SNX29: variants seen among roughly 807,000 people sequenced by gnomAD.
SNX29 encodes the protein sorting nexin-29.
SNX29 carries 78 observed loss-of-function variants against 102.1 expected under a neutral mutation model. The ratio of observed to expected loss-of-function variants is 0.76; its 90% CI spans 0.64 to 0.92. The LOEUF (loss-of-function observed/expected upper bound fraction) is 0.92. SNX29 is among the 40% of genes least tolerant of loss of function. The pLI, the probability that SNX29 is intolerant of heterozygous loss-of-function variation, is 0.00. For missense variants in SNX29, 1,280 were observed against 1,061.7 expected, an observed-to-expected ratio of 1.21 and a Z score of -2.86; for synonymous variants, 580 against 414.5, an observed-to-expected ratio of 1.40 and a Z score of -4.85.
At chr16:12,279,947 T>C (rs987908279) in intron 15 of SNX29, among the ~76,000 whole-genome samples, 14 of 152,300 alleles carry the variant, frequency 9.2e-5, no homozygotes, top group African/African-American at 3.4e-4. Context: ...GGGTGCCTAC[T>C]TCGCAGGGTC....
chr16:12,141,563 C>T lies in SNX29; in HGVS notation c.1595+11805C>T, dbSNP rs550422115. On this transcript the variant is annotated intron_variant, in intron 13 of 20. Coordinates refer to ENST00000566228, the MANE Select transcript of SNX29 (RefSeq NM_032167.5). ...GGTTATTTCTTGATTATATGCTAAA[C>T]AAAAGGCAGATTATTCATGAGTTTT... Among the ~76,000 whole-genome samples the T allele has an allele frequency of 1.4e-4, 22 of 152,348 alleles. No homozygotes were observed. The South Asian group carries it at 4.3e-3, about 30-fold the overall frequency.
chr16:12,511,707 C>T (rs185223330), intron 19 of SNX29, among the ~76,000 whole-genome samples: 7 of 152,132 alleles, frequency 4.6e-5, no homozygotes, highest in Admixed American at 3.3e-4. Flanking sequence ...GTGTAGTCTC[C>T]GAGCTCTTTC....
chr16:12,063,236 C>T (rs970643174), intron 9 of SNX29, among the ~76,000 whole-genome samples: 1 of 152,038 alleles, frequency 6.6e-6, no homozygotes, highest in Non-Finnish European at 1.5e-5. Context: ...ACATCTTGTC[C>T]ATGGCCCAGG....
intron 3 of SNX29, among the ~76,000 whole-genome samples, chr16:12,018,547 C>T (rs1159539526): frequency 2.0e-5 from 3 of 150,448 alleles, no homozygotes; most frequent in Non-Finnish European, 4.4e-5. Context: ...CGTGTCACTG[C>T]ACTTCAGCCT....
intron 19 of SNX29, among the ~76,000 whole-genome samples, chr16:12,521,972 C>A (rs997004400): frequency 1.2e-4 from 19 of 152,136 alleles, no homozygotes; most frequent in African/African-American, 4.1e-4. Context: ...GAGCTGCCAC[C>A]CCTCTGGAGG....
chr16:12,330,521 G>A (rs1211852675), intron 15 of SNX29, among the ~76,000 whole-genome samples: 1 of 152,222 alleles, frequency 6.6e-6, no homozygotes, highest in East Asian at 1.9e-4. Flanking sequence ...ACTGCGAACT[G>A]TTTAATCCTC....
chr16:12,391,140 C>T (rs2083514726), intron 16 of SNX29, among the ~76,000 whole-genome samples: 1 of 152,046 alleles, frequency 6.6e-6, no homozygotes, highest in South Asian at 2.1e-4. Context: ...GAGATGGGGT[C>T]TCCCTGTGTT....
At chr16:12,481,958 A>G (rs541844756) in intron 19 of SNX29, among the ~76,000 whole-genome samples, 2 of 152,148 alleles carry the variant, frequency 1.3e-5, no homozygotes, top group African/African-American at 4.8e-5. Flanking sequence ...GATTCTTCCC[A>G]TTTCCAAAGG....
At chr16:12,230,124 A>C (rs937572021) in intron 14 of SNX29, among the ~76,000 whole-genome samples, 5 of 152,214 alleles carry the variant, frequency 3.3e-5, no homozygotes, top group Non-Finnish European at 5.9e-5. Context: ...TAGTTTGTAC[A>C]CGTCTGTTCT....
intron 18 of SNX29, among the ~76,000 whole-genome samples, chr16:12,452,333 T>G (rs1171557277): frequency 1.5e-4 from 3 of 20,596 alleles, no homozygotes; most frequent in Admixed American, 1.0e-3. Context: ...AGGGATGCAG[T>G]GGAATGTCTC....
chr16:12,544,208 G>T (rs914435788), intron 20 of SNX29, among the ~76,000 whole-genome samples: 64 of 152,198 alleles, frequency 4.2e-4, no homozygotes, highest in African/African-American at 1.5e-3. Flanking sequence ...CTTCAGAACC[G>T]TGACAGCCGG....
chr16:12,286,191 G>T (rs2079590812), intron 15 of SNX29, among the ~76,000 whole-genome samples: 1 of 151,562 alleles, frequency 6.6e-6, no homozygotes, highest in African/African-American at 2.4e-5. Flanking sequence ...TTGAGACCAG[G>T]CTCTTACCTC....
chr16:12,245,881 G>T (rs770827528), intron 14 of SNX29, among the ~76,000 whole-genome samples: 14 of 152,192 alleles, frequency 9.2e-5, no homozygotes, highest in Non-Finnish European at 1.8e-4. Context: ...GGGGCTGCAG[G>T]TTACGTGTTT....
chr16:12,570,657 T>C lies in SNX29; in HGVS notation c.*2028T>C, dbSNP rs1295647149. On this transcript the variant is annotated 3_prime_UTR_variant, in exon 21 of 21. Coordinates refer to ENST00000566228, the MANE Select transcript of SNX29 (RefSeq NM_032167.5). Reference sequence around the variant, plus strand: ...ACCTCCCCCATCTGTGACATTCCCTTGGGCCCAGGCTTATGACCTGCACCT... The same window carrying C: ...ACCTCCCCCATCTGTGACATTCCCTCGGGCCCAGGCTTATGACCTGCACCT... The C allele has an allele frequency of 4.3e-6, 1 of 232,012 alleles. No individual in the cohort carries two copies. The allele number at this position is 232,012 out of a possible 1,614,324, so 14.4% of individuals were successfully genotyped here.
intron 16 of SNX29, among the ~76,000 whole-genome samples, chr16:12,396,417 G>A (rs765222486): frequency 1.3e-5 from 2 of 152,178 alleles, no homozygotes; most frequent in Non-Finnish European, 2.9e-5. Context: ...TCTAAAGGCG[G>A]TGGCGATTGT....
At chr16:12,142,534 T>TCG (rs2054902532) in intron 13 of SNX29, among the ~76,000 whole-genome samples, 2 of 152,288 alleles carry the variant, frequency 1.3e-5, no homozygotes, top group South Asian at 4.1e-4. Context: ...ACTGATGAAA[T>TCG]TCAGTCAAGA....
Position 12,398,456 on chromosome 16 carries a change from A to G in SNX29, c.1910A>G (p.Asp637Gly), listed in dbSNP as rs1408692783. The G allele has an allele frequency of 1.2e-6, 2 of 1,613,636 alleles. No individual in the cohort carries two copies. Among genetic ancestry groups the G allele is most frequent in the Non-Finnish European group, 1.7e-6 (2 of 1,179,858 alleles). The change falls in exon 17 of 21, where the codon GAT becomes GGT. Residue 637 changes from aspartate to glycine, a missense_variant. Coordinates refer to ENST00000566228, the MANE Select transcript of SNX29 (RefSeq NM_032167.5). Reference protein sequence around the residue: ...LIDLRGPVPGDLSQTSEDQSL... With the variant: ...LIDLRGPVPGGLSQTSEDQSL... ...TTCTCCTGATGGTAGGTGCCTGGAGATTTGAGTCAAACGTCCGAAGACCAG... is the reference window on the plus strand; with the variant it reads ...TTCTCCTGATGGTAGGTGCCTGGAGGTTTGAGTCAAACGTCCGAAGACCAG...
chr16:12,070,137 A>G (rs904851647), intron 10 of SNX29, among the ~76,000 whole-genome samples: 4 of 152,188 alleles, frequency 2.6e-5, no homozygotes, highest in African/African-American at 7.2e-5. Flanking sequence ...GTTTTTTCAA[A>G]TAAAGTATCT....
intron 10 of SNX29, among the ~76,000 whole-genome samples, chr16:12,075,385 C>T (rs2051504510): frequency 6.6e-6 from 1 of 152,214 alleles, no homozygotes; most frequent in Non-Finnish European, 1.5e-5. Flanking sequence ...TTCTAACAGA[C>T]AGGACCCTCA....
Sources: gnomAD v4.1 joint callset for allele counts (sites outside exome capture counted in the v4.1 genomes callset) on GRCh38, gnomAD v4.1.1 for gene constraint, MANE v1.5 for transcripts, NCBI Gene and HGNC (gene_info 2026-07-23, HGNC 2026-07-21) for gene names.